The following CSMD1 variants were observed in gnomAD, a reference collection of about 807,000 sequenced individuals.
The protein encoded by CSMD1 is CUB and Sushi multiple domains 1, also known as CUB and sushi domain-containing protein 1.
CSMD1 carries 213 observed loss-of-function variants against 417.5 expected under a neutral mutation model. The observed-to-expected ratio is 0.51, with a 90% CI of 0.46 to 0.57. The LOEUF (loss-of-function observed/expected upper bound fraction) is 0.57. Among genes scored for constraint, CSMD1 ranks in the 20% least tolerant of loss-of-function variants. The probability of loss-of-function intolerance (pLI) is 0.00; values close to 1 mark genes in which losing one functional copy is unlikely to be tolerated. For synonymous variants in CSMD1, 2,862 were observed against 1,736.8 expected, an observed-to-expected ratio of 1.65 and a Z score of -16.11; for missense variants, 6,923 against 4,529.7, an observed-to-expected ratio of 1.53 and a Z score of -15.17.
chr8:4,916,307 G>A lies in CSMD1; in HGVS notation c.85+78025C>T, dbSNP rs566972578. ...CATCAAGAACTTGCTCTTCACATCAGCAGATATTGTTGACAATGTTTATGG... is the reference window on the plus strand; with the variant it reads ...CATCAAGAACTTGCTCTTCACATCAACAGATATTGTTGACAATGTTTATGG... On this transcript the variant is annotated intron_variant, in intron 1 of 69. Transcript: ENST00000635120. 4.6e-5 allele frequency among the ~76,000 whole-genome samples: 7 copies of A among 152,306 alleles called. No homozygotes were observed. In the South Asian group the frequency reaches 1.0e-3, roughly 23 times the overall value.
chr8:4,449,919 T>A (rs76096557), intron 2 of CSMD1, among the ~76,000 whole-genome samples: 1 of 152,190 alleles, frequency 6.6e-6, no homozygotes, highest in Non-Finnish European at 1.5e-5. Flanking sequence ...CTGGGCACCA[T>A]GCCCAATACA....
At chr8:3,921,033 G>C (rs1172928752) in intron 5 of CSMD1, among the ~76,000 whole-genome samples, 1 of 152,140 alleles carries the variant, frequency 6.6e-6, no homozygotes, top group Non-Finnish European at 1.5e-5. Flanking sequence ...GAAAGAGTTT[G>C]AAAAGCGTTG....
chr8:4,118,577 A>T lies in CSMD1; in HGVS notation c.416-86478T>A, dbSNP rs111416232. ...CGCCAGTAAAAATGGCGATCATGAA[A>T]AAGTAAGGAAACAATAGATGCTGGC... On this transcript the variant is annotated intron_variant, in intron 3 of 69. Coordinates refer to ENST00000635120, the MANE Select transcript of CSMD1 (RefSeq NM_033225.6). 3.8e-3 allele frequency among the ~76,000 whole-genome samples: 574 copies of T among 152,328 alleles called. 5 individuals carry two copies. Among genetic ancestry groups the T allele is most frequent in the African/African-American group, 0.013 (546 of 41,578 alleles).
intron 3 of CSMD1, among the ~76,000 whole-genome samples, chr8:4,347,893 AAAAAAT>A (rs1179001976): frequency 6.6e-6 from 1 of 152,006 alleles, no homozygotes; most frequent in African/African-American, 2.4e-5. Context: ...CATGATAAGA[AAAAAAT>A]AAAAAGTTAA....
intron 3 of CSMD1, among the ~76,000 whole-genome samples, chr8:4,393,938 C>T (rs940390622): frequency 6.6e-6 from 1 of 152,146 alleles, no homozygotes. Context: ...TAAGATATTG[C>T]CTGTGTTTCA....
intron 3 of CSMD1, among the ~76,000 whole-genome samples, chr8:4,068,599 G>T (rs918943168): frequency 1.3e-5 from 2 of 152,102 alleles, no homozygotes; most frequent in Non-Finnish European, 2.9e-5. Flanking sequence ...AATGATTGCA[G>T]AAAACATATC....
intron 46 of CSMD1, among the ~76,000 whole-genome samples, chr8:3,101,994 G>T (rs977925552): frequency 6.6e-6 from 1 of 151,816 alleles, no homozygotes; most frequent in African/African-American, 2.4e-5. Flanking sequence ...TAGAGACAGC[G>T]TTTCACCATG....
chr8:4,435,825 C>T (rs935240089), intron 2 of CSMD1, among the ~76,000 whole-genome samples: 1 of 152,208 alleles, frequency 6.6e-6, no homozygotes, highest in South Asian at 2.1e-4. Context: ...ACCTTCAGGG[C>T]AGGGTGTGTG....
At chr8:3,944,653 A>C (rs1487359615) in intron 5 of CSMD1, among the ~76,000 whole-genome samples, 2 of 152,126 alleles carry the variant, frequency 1.3e-5, no homozygotes, top group African/African-American at 4.8e-5. Context: ...TGGTGGATTC[A>C]TTTTTGGGGA....
intron 36 of CSMD1, among the ~76,000 whole-genome samples, chr8:3,184,057 A>C (rs966443055): frequency 6.6e-6 from 1 of 151,676 alleles, no homozygotes; most frequent in Non-Finnish European, 1.5e-5. Flanking sequence ...CAAATTTCAC[A>C]CTCCTTGATT....
intron 2 of CSMD1, among the ~76,000 whole-genome samples, chr8:4,496,726 A>G (rs1273110073): frequency 1.3e-5 from 2 of 152,218 alleles, no homozygotes; most frequent in African/African-American, 4.8e-5. Flanking sequence ...GCTGAAAATG[A>G]GTAAAAAGCT....
intron 3 of CSMD1, among the ~76,000 whole-genome samples, chr8:4,380,529 G>C (rs1296029359): frequency 2.6e-5 from 4 of 152,212 alleles, no homozygotes; most frequent in Non-Finnish European, 4.4e-5. Flanking sequence ...AGCCCAAGGA[G>C]ACGTGACGAC....
At chr8:3,289,711 A>G (rs1271822916) in intron 25 of CSMD1, among the ~76,000 whole-genome samples, 1 of 147,102 alleles carries the variant, frequency 6.8e-6, no homozygotes, top group Non-Finnish European at 1.5e-5. Flanking sequence ...AGTTCATTGT[A>G]GATTCTGGAT....
At chr8:4,588,806 A>ACACACACACACACACACAC (rs1563313415) in intron 2 of CSMD1, among the ~76,000 whole-genome samples, 1 of 150,874 alleles carries the variant, frequency 6.6e-6, no homozygotes, top group Admixed American at 6.6e-5. Context: ...ACACACACAC[A>ACACACACACACACACACAC]AAAGAAACTC....
intron 10 of CSMD1, among the ~76,000 whole-genome samples, chr8:3,552,565 G>A (rs1305557185): frequency 6.6e-6 from 1 of 152,070 alleles, no homozygotes; most frequent in Non-Finnish European, 1.5e-5. Context: ...ATAAGGTGGG[G>A]GGCATTGTGG....
At chr8:4,532,233 G>A (rs112157209) in intron 2 of CSMD1, among the ~76,000 whole-genome samples, 314 of 137,408 alleles carry the variant, frequency 2.3e-3, no homozygotes, top group African/African-American at 5.9e-3. Context: ...CAGTCACTCC[G>A]GAAGAGAAAT....
rs1214882068 is a variant in CSMD1, at chr8:3,836,320, TG to T, written c.819-82279del. Among the ~76,000 whole-genome samples, 3 of 152,282 alleles carry T rather than the reference TG, an allele frequency of 2.0e-5. No individual in the cohort carries two copies. In the East Asian group the frequency reaches 5.8e-4, roughly 29 times the overall value. On this transcript the variant is annotated intron_variant, in intron 5 of 69. Transcript: ENST00000635120. ...ACAAGTCAAAGCAGTTTGCCAGTTT[TG>T]GGTTTACTTGACAAAGATCTATGAG... is the stretch of plus-strand genomic sequence containing the variant.
At chr8:4,898,768 C>T (rs551790185) in intron 1 of CSMD1, among the ~76,000 whole-genome samples, 15 of 152,046 alleles carry the variant, frequency 9.9e-5, no homozygotes, top group East Asian at 5.8e-4. Flanking sequence ...TCGTTGGAAG[C>T]GGGGGGAAGT....
At chr8:3,992,115 T>C (rs929120585) in intron 5 of CSMD1, among the ~76,000 whole-genome samples, 2 of 142,588 alleles carry the variant, frequency 1.4e-5, no homozygotes, top group East Asian at 4.2e-4. Context: ...AGGAGAAATG[T>C]GTATATATAT....
Sources: gnomAD v4.1 joint callset for allele counts (sites outside exome capture counted in the v4.1 genomes callset) on GRCh38, gnomAD v4.1.1 for gene constraint, MANE v1.5 for transcripts, NCBI Gene and HGNC (gene_info 2026-07-23, HGNC 2026-07-21) for gene names.